ANKS1B: variants seen among roughly 807,000 people sequenced by gnomAD.
The protein encoded by ANKS1B is ankyrin repeat and sterile alpha motif domain containing 1B, also known as ankyrin repeat and sterile alpha motif domain-containing protein 1B.
ANKS1B carries 36 observed loss-of-function variants against 148.3 expected under a neutral mutation model. That is an observed-to-expected ratio of 0.24 (90% CI 0.19 to 0.32). The LOEUF (loss-of-function observed/expected upper bound fraction) is 0.32. ANKS1B is among the 10% of genes least tolerant of loss of function. ANKS1B has a pLI of 1.00. For synonymous variants in ANKS1B, 542 were observed against 560.8 expected, an observed-to-expected ratio of 0.97 and a Z score of 0.47; for missense variants, 1,157 against 1,542.6, an observed-to-expected ratio of 0.75 and a Z score of 4.19.
chr12:98,941,410 C>T (rs919571053), intron 17 of ANKS1B, among the ~76,000 whole-genome samples: 1 of 152,174 alleles, frequency 6.6e-6, no homozygotes, highest in Non-Finnish European at 1.5e-5. Flanking sequence ...AGAAAAGATA[C>T]TTGTTTACAG....
At chr12:98,827,915 T>C (rs1276630727) in intron 19 of ANKS1B, among the ~76,000 whole-genome samples, 1 of 152,122 alleles carries the variant, frequency 6.6e-6, no homozygotes. Flanking sequence ...CATATGTGAC[T>C]CGAAAATATA....
intron 8 of ANKS1B, among the ~76,000 whole-genome samples, chr12:99,730,672 T>TG (rs1478329206): frequency 5.3e-5 from 8 of 152,266 alleles, no homozygotes; most frequent in African/African-American, 1.7e-4. Context: ...ACTCTCTGTC[T>TG]GGGAGCTGAG....
intron 12 of ANKS1B, among the ~76,000 whole-genome samples, chr12:99,380,412 TA>T: frequency 7.4e-6 from 1 of 135,062 alleles, no homozygotes; most frequent in Admixed American, 7.0e-5. Context: ...TTTAATTGCT[TA>T]ATTTTGTAGT....
At chr12:98,962,463 T>C (rs11834531) in intron 17 of ANKS1B, among the ~76,000 whole-genome samples, 3,204 of 151,460 alleles carry the variant, frequency 0.021, 120 homozygotes, top group African/African-American at 0.073. Context: ...CAAAAATTAC[T>C]AGAGCTAAAG....
Position 99,524,926 on chromosome 12 carries a change from T to C in ANKS1B, c.1273-20285A>G, listed in dbSNP as rs2096911915. Among the ~76,000 whole-genome samples, 3 of 151,948 alleles carry C rather than the reference T, an allele frequency of 2.0e-5. No individual in the cohort carries two copies. In the South Asian group the frequency reaches 6.2e-4, roughly 32 times the overall value. On this transcript the variant is annotated intron_variant, in intron 9 of 26. Coordinates refer to ENST00000683438, the MANE Select transcript of ANKS1B (RefSeq NM_001352186.2). ...GCTACAGTCCAAGATGAGATTTGGG[T>C]GGGGACACAGCCAAATCATATCACC... is the stretch of plus-strand genomic sequence containing the variant.
At chr12:99,951,870 C>T (rs1344650297) in intron 1 of ANKS1B, among the ~76,000 whole-genome samples, 1 of 152,068 alleles carries the variant, frequency 6.6e-6, no homozygotes, top group African/African-American at 2.4e-5. Flanking sequence ...AAGGAGACAG[C>T]GAGACTCTTT....
intron 17 of ANKS1B, among the ~76,000 whole-genome samples, chr12:98,942,937 A>C (rs2099839339): frequency 6.6e-6 from 1 of 152,238 alleles, no homozygotes; most frequent in Non-Finnish European, 1.5e-5. Context: ...GTCGGAAACA[A>C]CACCAAATAC....
Position 98,780,168 on chromosome 12 carries a change from C to T in ANKS1B, c.3441+949G>A, listed in dbSNP as rs560250483. On this transcript the variant is annotated intron_variant, in intron 24 of 26. Coordinates refer to ENST00000683438, the MANE Select transcript of ANKS1B (RefSeq NM_001352186.2). The stretch of plus-strand genomic sequence containing the variant: ...TTTCTTAAGTTCACCTGTTTCATGA[C>T]TTCTGTTCCCTTTCTCCAAAACGGA... Among the ~76,000 whole-genome samples, 8 of 152,322 alleles carry T rather than the reference C, an allele frequency of 5.3e-5. No individual in the cohort carries two copies. In the South Asian group the frequency reaches 1.7e-3, roughly 32 times the overall value.
rs1025786806 is a variant in ANKS1B at position 99,776,806 on chromosome 12, A to G, written c.848-1145T>C. ...ATAATTCTCCTGCCTCAGCCCCCCA[A>G]GCTAGCTGAGACTACAGATATGTGC... On this transcript the variant is annotated intron_variant, in intron 6 of 26. Coordinates refer to ENST00000683438, the MANE Select transcript of ANKS1B (RefSeq NM_001352186.2). 3.9e-5 allele frequency among the ~76,000 whole-genome samples: 6 copies of G among 151,934 alleles called. No homozygotes were observed. The South Asian group carries it at 6.2e-4, about 16-fold the overall frequency.
At chr12:98,785,498 A>C (rs553091728) in intron 22 of ANKS1B, among the ~76,000 whole-genome samples, 107 of 152,316 alleles carry the variant, frequency 7.0e-4, no homozygotes, top group Admixed American at 1.3e-3. Context: ...AAGGAAAAAA[A>C]AGGCAAAGAT....
At chr12:99,800,627 G>T (rs2066835229) in intron 4 of ANKS1B, among the ~76,000 whole-genome samples, 1 of 151,992 alleles carries the variant, frequency 6.6e-6, no homozygotes, top group Non-Finnish European at 1.5e-5. Context: ...TAAAATTCTG[G>T]GCCAAACAAC....
intron 17 of ANKS1B, among the ~76,000 whole-genome samples, chr12:98,997,493 C>T (rs1321882745): frequency 1.3e-5 from 2 of 151,404 alleles, no homozygotes; most frequent in African/African-American, 4.9e-5. Context: ...TCTCTGCCTC[C>T]TGGGTTCAAG....
chr12:99,676,941 T>A (rs1055322525), intron 8 of ANKS1B, among the ~76,000 whole-genome samples: 1 of 152,220 alleles, frequency 6.6e-6, no homozygotes, highest in Non-Finnish European at 1.5e-5. Context: ...AGAAGGAGAA[T>A]GTGTTGTGAG....
intron 1 of ANKS1B, among the ~76,000 whole-genome samples, chr12:99,959,990 T>A (rs1156889296): frequency 2.0e-5 from 3 of 152,148 alleles, no homozygotes; most frequent in Admixed American, 1.3e-4. Context: ...CAGGGAAAAT[T>A]TCCTTTTCTC....
At chr12:99,844,564 C>A (rs1034280939) in intron 1 of ANKS1B, among the ~76,000 whole-genome samples, 6 of 152,080 alleles carry the variant, frequency 3.9e-5, no homozygotes, top group African/African-American at 1.2e-4. Flanking sequence ...GATGTTATTT[C>A]TGGGTTCTCT....
At chr12:98,804,831 T>C (rs1223823795) in intron 20 of ANKS1B, among the ~76,000 whole-genome samples, 2 of 152,244 alleles carry the variant, frequency 1.3e-5, no homozygotes, top group Non-Finnish European at 2.9e-5. Flanking sequence ...CATGTCTACA[T>C]AATACTTGCA....
At position 99,627,500 on chromosome 12, in the gene ANKS1B, T is replaced by C. The variant is rs1179160640; in HGVS notation, c.1272+27567A>G. On this transcript the variant is annotated intron_variant, in intron 9 of 26. Transcript: ENST00000683438. ...GGGCGATTCAGAGAAATTGAGCATA[T>C]TGTTAATAAGTGATACAGTCAGAAT... 2.6e-5 allele frequency among the ~76,000 whole-genome samples: 4 copies of C among 152,178 alleles called. No individual in the cohort carries two copies. The South Asian group carries it at 6.2e-4, about 24-fold the overall frequency.
chr12:99,914,746 A>C (rs1316303184), intron 1 of ANKS1B, among the ~76,000 whole-genome samples: 1 of 151,990 alleles, frequency 6.6e-6, no homozygotes, highest in African/African-American at 2.4e-5. Flanking sequence ...TGAGACCACT[A>C]AACACTCAAA....
At chr12:99,441,132 C>A (rs2095543322) in intron 11 of ANKS1B, among the ~76,000 whole-genome samples, 1 of 151,822 alleles carries the variant, frequency 6.6e-6, no homozygotes, top group Non-Finnish European at 1.5e-5. Flanking sequence ...ATCAATCTAA[C>A]TCCACACTTT....
Sources: allele counts gnomAD v4.1 joint callset (sites outside exome capture counted in the v4.1 genomes callset), GRCh38; gene constraint gnomAD v4.1.1; transcripts MANE v1.5; gene names NCBI Gene and HGNC (gene_info 2026-07-23, HGNC 2026-07-21).